The following RGN variants were observed in gnomAD, a reference collection of about 807,000 sequenced individuals.
The protein encoded by RGN is regucalcin.
In RGN, 19 loss-of-function variants were observed where a neutral mutation model predicts 20.6. The ratio of observed to expected loss-of-function variants is 0.92; its 90% CI spans 0.64 to 1.35. The LOEUF is 1.35. Ranked by LOEUF, RGN falls within the 40% of genes most tolerant of loss-of-function variation. The pLI, the probability that RGN is intolerant of heterozygous loss-of-function variation, is 0.00. For missense variants in RGN, 302 were observed against 232.7 expected, an observed-to-expected ratio of 1.30 and a Z score of -1.94; for synonymous variants, 85 against 87.2, an observed-to-expected ratio of 0.97 and a Z score of 0.14.
chrX:47,083,438 A>C (rs1373283142), intron 3 of RGN, among the ~76,000 whole-genome samples: 2 of 111,686 alleles, frequency 1.8e-5, no homozygotes, highest in Non-Finnish European at 3.8e-5. Flanking sequence ...AAAAATATTA[A>C]ATGAAGAAAA....
chrX:47,080,934 C>T lies in RGN; in HGVS notation c.-18C>T. 2.7e-6 allele frequency: 1 copy of T among 373,945 alleles called. No homozygotes were observed. Among genetic ancestry groups the T allele is most frequent in the Non-Finnish European group, 4.6e-6 (1 of 215,565 alleles). The allele number at this position is 373,945 out of a possible 1,213,427, so 30.8% of individuals were successfully genotyped here. A position where few individuals can be genotyped will look rare whatever the true frequency, so the allele number is the denominator to read the frequency against. Reference sequence around the variant, plus strand: ...GAAAGATCATTCGAGAAACACGTCACTGGTAAGTTGGTTGAAGATGTTTCA... The same window carrying T: ...GAAAGATCATTCGAGAAACACGTCATTGGTAAGTTGGTTGAAGATGTTTCA... On this transcript the variant is annotated splice_region_variant and 5_prime_UTR_variant, in exon 2 of 8. Transcript: ENST00000397180.
intron 4 of RGN, 54 bp from the exon 5 acceptor site, chrX:47,089,722 G>A: frequency 2.1e-6 from 2 of 939,982 alleles, no homozygotes; most frequent in African/African-American, 2.0e-5. Flanking sequence ...GGATGGTGTC[G>A]TGCATGGGGT....
At chrX:47,082,567 C>T (rs1456376785) in intron 3 of RGN, among the ~76,000 whole-genome samples, 2 of 111,055 alleles carry the variant, frequency 1.8e-5, no homozygotes, top group African/African-American at 3.3e-5. Flanking sequence ...CCTGCCTTGG[C>T]CTCCCAAAGT....
chrX:47,087,792 T>C (rs1930660638), intron 4 of RGN, among the ~76,000 whole-genome samples: 1 of 104,654 alleles, frequency 9.6e-6, no homozygotes, highest in Non-Finnish European at 1.9e-5. Context: ...ACCAATACTA[T>C]AATATTATAC....
chrX:47,085,317 G>T (rs1449599303), intron 4 of RGN, among the ~76,000 whole-genome samples: 2 of 111,090 alleles, frequency 1.8e-5, no homozygotes, highest in Non-Finnish European at 3.8e-5. Context: ...CAGGAGATTT[G>T]AGACCATCCT....
intron 4 of RGN, among the ~76,000 whole-genome samples, chrX:47,086,780 A>AGAGAGAGG (rs1217757247): frequency 8.0e-5 from 8 of 100,167 alleles, no homozygotes; most frequent in African/African-American, 3.3e-4. Context: ...AGAGAGAGAG[A>AGAGAGAGG]GAGAAAGAGA....
In RGN at chrX:47,092,124, A is replaced by G; in HGVS notation, c.758A>G (p.Lys253Arg). ...ACAACTTCATGCTGCTTTGGAGGGA[A>G]GAATTACTCTGAAATGTATGTGACC... is the stretch of plus-strand genomic sequence containing the variant. ...DKTTSCCFGG[K>R]NYSEMYVTCA... Residue 253 changes from lysine to arginine, a missense_variant, in exon 7 of 8, where the codon AAG (lysine) becomes AGG (arginine). Transcript: ENST00000397180. 8.3e-7 allele frequency: 1 copy of G among 1,207,420 alleles called. No individual in the cohort carries two copies. Among genetic ancestry groups the G allele is most frequent in the Non-Finnish European group, 1.1e-6 (1 of 892,389 alleles).
intron 4 of RGN, among the ~76,000 whole-genome samples, chrX:47,086,593 G>T (rs1005544277): frequency 1.8e-5 from 2 of 109,852 alleles, no homozygotes; most frequent in Non-Finnish European, 3.8e-5. Flanking sequence ...CTCGGAAAAG[G>T]CTGGATTCTC....
At chrX:47,082,919 T>C (rs1556382093) in intron 3 of RGN, among the ~76,000 whole-genome samples, 1 of 109,806 alleles carries the variant, frequency 9.1e-6, no homozygotes, top group African/African-American at 3.3e-5. Flanking sequence ...CTTGGGACCC[T>C]TGATGGCTCC....
chrX:47,079,356 G>GTT (rs201087134), intron 1 of RGN, among the ~76,000 whole-genome samples: 30 of 50,590 alleles, frequency 5.9e-4, no homozygotes, highest in South Asian at 4.2e-3. Flanking sequence ...TTTTTTGTTT[G>GTT]TTTTTTTTTT....
intron 4 of RGN, 111 bp from the exon 5 acceptor site, chrX:47,089,665 A>C: frequency 2.3e-6 from 1 of 441,306 alleles, no homozygotes; most frequent in Admixed American, 4.7e-5. Context: ...GGAATTGTAT[A>C]GTGATTTCCT....
In RGN at chrX:47,089,995, T is replaced by A. The variant is rs782660204; in HGVS notation, c.562+4T>A. 1.7e-6 allele frequency: 2 copies of A among 1,143,798 alleles called. No homozygotes were observed. The highest frequency in any genetic ancestry group is 2.4e-6 in the Non-Finnish European group (2 of 843,959). 94.3% of individuals were successfully genotyped at this position (1,143,798 alleles called of 1,213,427 possible). A position where few individuals can be genotyped will look rare whatever the true frequency, so the allele number is the denominator to read the frequency against. On this transcript the variant is annotated splice_donor_region_variant and intron_variant, in intron 5 of 7. Coordinates refer to ENST00000397180, the MANE Select transcript of RGN (RefSeq NM_152869.4). The stretch of plus-strand genomic sequence containing the variant: ...GACCTGCAGACAGGACAGATCTGTA[T>A]GTATTTTTCATTATTTGTCTCAGTG...
chrX:47,092,912 G>T lies in RGN; in HGVS notation c.865G>T (p.Val289Phe). Residue 289 changes from valine (V) to phenylalanine (F), a missense_variant, in exon 8 of 8, where the codon GTC becomes TTC. By Grantham distance (50) the Val-to-Phe change is conservative. Transcript: ENST00000397180. ...TTTTCAACAGATAACTGGTCTGGGG[G>T]TCAAAGGAATTGCTCCCTACTCCTA... is the stretch of plus-strand genomic sequence containing the variant. ...GGIFKITGLG[V>F]KGIAPYSYAG 8.3e-7 allele frequency: 1 copy of T among 1,207,587 alleles called. No homozygotes were observed. Among genetic ancestry groups the T allele is most frequent in the Non-Finnish European group, 1.1e-6 (1 of 892,104 alleles).
chrX:47,092,954 GTCT>G lies in RGN; in HGVS notation c.*12_*14del. 8.4e-7 allele frequency: 1 copy of G among 1,191,038 alleles called. No individual in the cohort carries two copies. The highest frequency in any genetic ancestry group is 1.1e-6 in the Non-Finnish European group (1 of 878,522). ...CTACTCCTATGCGGGATGAGGACAG[GTCT>G]TCTTTCCTGCCAGAGGGAGCTCTGA... is the stretch of plus-strand genomic sequence containing the variant. On this transcript the variant is annotated 3_prime_UTR_variant, in exon 8 of 8. Coordinates refer to ENST00000397180, the MANE Select transcript of RGN (RefSeq NM_152869.4).
chrX:47,082,006 C>G (rs1455839012), intron 3 of RGN, among the ~76,000 whole-genome samples: 1 of 112,293 alleles, frequency 8.9e-6, no homozygotes, highest in Non-Finnish European at 1.9e-5. Flanking sequence ...AGGTGCCTCT[C>G]TTCCTTGAAA....
rs1307508335 is a variant in RGN, at chrX:47,084,420, G to A, written c.166G>A (p.Ala56Thr). The part of the protein sequence containing the change: ...TKQVQRVTMD[A>T]PVSSVALRQS... ...TAACTGTTGCTTTACCTCTACAGAT[G>A]CCCCAGTCAGCTCCGTGGCTCTTCG... Residue 56 changes from alanine (A) to threonine (T), a missense_variant and splice_region_variant, in exon 4 of 8, where the codon GCC becomes ACC. Coordinates refer to ENST00000397180, the MANE Select transcript of RGN (RefSeq NM_152869.4). 3 of 1,195,270 alleles carry A rather than the reference G, an allele frequency of 2.5e-6. No individual in the cohort carries two copies. In the African/African-American group the frequency reaches 5.3e-5, roughly 21 times the overall value.
At chrX:47,092,842 A>C in intron 7 of RGN, 55 bp from the exon 8 acceptor site, 1 of 1,030,583 alleles carries the variant, frequency 9.7e-7, no homozygotes, top group Non-Finnish European at 1.4e-6. Flanking sequence ...AATGCTTTTG[A>C]AGAATACTTG....
intron 3 of RGN, among the ~76,000 whole-genome samples, chrX:47,082,303 C>CTT (rs11286766): frequency 0.024 from 1,401 of 59,188 alleles, 103 homozygotes; most frequent in African/African-American, 0.052. Flanking sequence ...GGGACCTCAA[C>CTT]TTTTTTTTTT....
In RGN at chrX:47,090,951, A is replaced by AGAAGGAAG. The variant is rs1569540751; in HGVS notation, c.563-724_563-723insGGAAGGAA. Among the ~76,000 whole-genome samples the AGAAGGAAG allele has an allele frequency of 1.6e-4, 8 of 51,254 alleles. 1 individual carries two copies. The highest frequency in any genetic ancestry group is 4.2e-4 in the African/African-American group (7 of 16,733). 44.5% of individuals were successfully genotyped at this position (51,254 alleles called of 115,157 possible). A position where few individuals can be genotyped will look rare whatever the true frequency, so the allele number is the denominator to read the frequency against. On this transcript the variant is annotated intron_variant, in intron 5 of 7. Transcript: ENST00000397180. ...AAGAAAGAAAGAAAGAAAGAAAGAA[A>AGAAGGAAG]GAAAGAAAGAAAGAAAGAAAGAAAG...
Sources: allele counts gnomAD v4.1 joint callset (sites outside exome capture counted in the v4.1 genomes callset), GRCh38; gene constraint gnomAD v4.1.1; transcripts MANE v1.5; gene names NCBI Gene and HGNC (gene_info 2026-07-23, HGNC 2026-07-21).